The following CNOT1 variants were observed in gnomAD, a reference collection of about 807,000 sequenced individuals.
The protein encoded by CNOT1 is CCR4-NOT transcription complex subunit 1.
Under a neutral mutation model 273.8 loss-of-function variants are expected in CNOT1, and 15 were observed. The ratio of observed to expected loss-of-function variants is 0.05; its 90% CI spans 0.04 to 0.08. CNOT1 has a LOEUF of 0.08. CNOT1 is among the 10% of genes least tolerant of loss of function. CNOT1 has a pLI of 1.00. For synonymous variants in CNOT1, 1,022 were observed against 1,005.5 expected (o/e 1.02, Z -0.31); for missense variants, 1,644 against 2,912.2 (o/e 0.56, Z 10.02).
At chr16:58,571,112 AAAAC>A (rs983858547) in intron 16 of CNOT1, among the ~76,000 whole-genome samples, 1 of 152,040 alleles carries the variant, frequency 6.6e-6, no homozygotes, top group African/African-American at 2.4e-5. Context: ...AAAACAAAAC[AAAAC>A]AAAAAACAAA....
intron 25 of CNOT1, among the ~76,000 whole-genome samples, chr16:58,549,426 TA>T (rs1461139203): frequency 6.6e-6 from 1 of 152,048 alleles, no homozygotes; most frequent in Non-Finnish European, 1.5e-5. Flanking sequence ...CAGAATATGC[TA>T]ACCAATACTA....
intron 2 of CNOT1, among the ~76,000 whole-genome samples, chr16:58,594,570 G>C (rs1210499558): frequency 6.6e-6 from 1 of 152,080 alleles, no homozygotes; most frequent in East Asian, 1.9e-4. Context: ...TTGGGAGGCT[G>C]AGGCGGGTAG....
rs2042473995 is a variant in CNOT1, at chr16:58,601,753, A to AG, written c.-174-2243_-174-2242insC. Among the ~76,000 whole-genome samples, 4 of 136,412 alleles carry AG rather than the reference A, an allele frequency of 2.9e-5. No individual in the cohort carries two copies. In the East Asian group the frequency reaches 7.0e-4, roughly 24 times the overall value. The allele number at this position is 136,412 out of a possible 152,430, so 89.5% of individuals were successfully genotyped here. On this transcript the variant is annotated intron_variant, in intron 1 of 48. Transcript: ENST00000317147. ...CCACCTTAAAAAAAAAAAAAAAAAA[A>AG]AGCCTGTGCACGGTGGCAAACACCT...
intron 38 of CNOT1, 102 bp from the exon 39 acceptor site, chr16:58,537,322 G>T: frequency 6.8e-7 from 1 of 1,470,600 alleles, no homozygotes; most frequent in Non-Finnish European, 9.0e-7. Flanking sequence ...CACCAGAGTG[G>T]TTTACCACTT....
intron 20 of CNOT1, 56 bp from the exon 21 acceptor site, chr16:58,555,593 T>C: frequency 6.4e-7 from 1 of 1,571,050 alleles, no homozygotes; most frequent in South Asian, 1.2e-5. Context: ...ACTAAGAGCC[T>C]TTCTCAAATA....
At chr16:58,602,178 C>A (rs2042490189) in intron 1 of CNOT1, among the ~76,000 whole-genome samples, 1 of 151,826 alleles carries the variant, frequency 6.6e-6, no homozygotes, top group African/African-American at 2.4e-5. Flanking sequence ...ACACGATTCT[C>A]CTGCCTCAGC....
chr16:58,601,397 A>G (rs1168034756), intron 1 of CNOT1, among the ~76,000 whole-genome samples: 3 of 152,136 alleles, frequency 2.0e-5, no homozygotes, highest in Non-Finnish European at 4.4e-5. Flanking sequence ...GCGTCCAGCC[A>G]CAACACCCAT....
chr16:58,616,074 C>T (rs1458226923), intron 1 of CNOT1, among the ~76,000 whole-genome samples: 1 of 124,286 alleles, frequency 8.0e-6, no homozygotes, highest in Non-Finnish European at 1.9e-5. Context: ...ACTGACTCTA[C>T]CAAAAAAATA....
At chr16:58,565,825 G>A (rs1030569622) in intron 16 of CNOT1, among the ~76,000 whole-genome samples, 6 of 151,790 alleles carry the variant, frequency 4.0e-5, no homozygotes, top group African/African-American at 9.7e-5. Flanking sequence ...TGCGCCTGTC[G>A]TCCCAGCTAC....
At chr16:58,573,741 A>G (rs2041365743) in intron 16 of CNOT1, among the ~76,000 whole-genome samples, 4 of 151,866 alleles carry the variant, frequency 2.6e-5, no homozygotes, top group Non-Finnish European at 5.9e-5. Flanking sequence ...TCGGCCTCCC[A>G]AAGTGCTGGG....
Position 58,537,170 on chromosome 16 carries a change from T to G in CNOT1, c.5465A>C (p.Asp1822Ala). 1 of 1,613,728 alleles carries G rather than the reference T, an allele frequency of 6.2e-7. No individual in the cohort carries two copies. Among genetic ancestry groups the G allele is most frequent in the Non-Finnish European group, 8.5e-7 (1 of 1,179,762 alleles). Reference protein sequence around the residue: ...VVRSNYEAMIDRAHGGPNFMM... With the variant: ...VVRSNYEAMIARAHGGPNFMM... ...AAAGTTTGGGCCTCCATGAGCACGA[T>G]CAATCATTGCTTCATAGTTGGATCG... is the stretch of plus-strand genomic sequence containing the variant. The change falls in exon 39 of 49, where the codon GAT (aspartate) becomes GCT (alanine). Residue 1822 changes from aspartate (D) to alanine (A), a missense_variant. Asp to Ala is a moderately radical substitution (Grantham distance 126). Around this residue, in one of 13 missense-constraint regions of CNOT1, gnomAD observed 133 missense variants for 328.2 expected, o/e 0.41. Coordinates refer to ENST00000317147, the MANE Select transcript of CNOT1 (RefSeq NM_016284.5).
At chr16:58,578,648 G>A in intron 13 of CNOT1, 51 bp downstream of exon 13, 2 of 1,598,234 alleles carry the variant, frequency 1.3e-6, no homozygotes, top group Non-Finnish European at 1.7e-6. Flanking sequence ...ACACTCCAAA[G>A]AAGATCAATT....
At chr16:58,524,621 T>G (rs765285943) in intron 46 of CNOT1, among the ~76,000 whole-genome samples, 1 of 152,112 alleles carries the variant, frequency 6.6e-6, no homozygotes, top group Non-Finnish European at 1.5e-5. Context: ...CTAAAATATA[T>G]GTATGCAAAA....
chr16:58,622,387 G>C (rs1389057135), intron 1 of CNOT1, among the ~76,000 whole-genome samples: 5 of 146,112 alleles, frequency 3.4e-5, no homozygotes, highest in Admixed American at 7.0e-5. Flanking sequence ...GCATGTATTG[G>C]GGCAGGAGAT....
At chr16:58,537,481 G>A (rs753989413) in intron 38 of CNOT1, among the ~76,000 whole-genome samples, 21 of 152,154 alleles carry the variant, frequency 1.4e-4, no homozygotes, top group Non-Finnish European at 2.4e-4. Context: ...GTTCAGAGTC[G>A]ACAAATATTC....
chr16:58,562,578 C>T (rs528040048), intron 16 of CNOT1, among the ~76,000 whole-genome samples: 2 of 151,978 alleles, frequency 1.3e-5, no homozygotes, highest in East Asian at 3.9e-4. Context: ...AATCCCAGCA[C>T]TTCGGGAGAC....
chr16:58,538,985 C>A, intron 35 of CNOT1, 71 bp from the exon 36 acceptor site: 1 of 1,561,926 alleles, frequency 6.4e-7, no homozygotes, highest in South Asian at 1.2e-5. Flanking sequence ...AGCCAGAAAC[C>A]AAATCTCAAT....
At position 58,585,469 on chromosome 16, in the gene CNOT1, T is replaced by C. The variant is rs1315246933; in HGVS notation, c.675A>G (p.Pro225=). The part of the protein sequence containing the change: ...PQERCPVVLA[P]LLYPEKRDIL... ...TGTCCCGTTTTTCAGGGTATAAAAG[T>C]GGTGCGAGCACCACGGGACAGCGTT... Residue 225 remains proline (P), a synonymous_variant, in exon 8 of 49, where the codon CCA becomes CCG. Coordinates refer to ENST00000317147, the MANE Select transcript of CNOT1 (RefSeq NM_016284.5). 1 of 1,613,264 alleles carries C rather than the reference T, an allele frequency of 6.2e-7. No homozygotes were observed. Among genetic ancestry groups the C allele is most frequent in the Non-Finnish European group, 8.5e-7 (1 of 1,179,900 alleles).
chr16:58,604,556 T>G (rs2042594982), intron 1 of CNOT1, among the ~76,000 whole-genome samples: 1 of 141,988 alleles, frequency 7.0e-6, no homozygotes. Context: ...CCAAGGCGGG[T>G]GAATCACCTG....
Sources: allele counts gnomAD v4.1 joint callset (sites outside exome capture counted in the v4.1 genomes callset), GRCh38; gene constraint gnomAD v4.1.1; regional missense constraint gnomAD v4.1.1; transcripts MANE v1.5; gene names NCBI Gene and HGNC (gene_info 2026-07-23, HGNC 2026-07-21).